Variants in CNDP2 observed in about 807,000 individuals in gnomAD.
CNDP2 encodes cytosolic non-specific dipeptidase.
In CNDP2, 38 loss-of-function variants were observed where a neutral mutation model predicts 55.0. The ratio of observed to expected loss-of-function variants is 0.69; its 90% CI spans 0.53 to 0.90. CNDP2 has a LOEUF of 0.90. CNDP2 is among the 40% of genes least tolerant of loss of function. CNDP2 has a pLI of 0.00. For synonymous variants in CNDP2, 241 were observed against 260.2 expected (o/e 0.93, Z 0.71); for missense variants, 607 against 621.7 (o/e 0.98, Z 0.25).
At chr18:74,512,389 C>A in intron 6 of CNDP2, 59 bp from the exon 7 acceptor site, 1 of 1,445,156 alleles carries the variant, frequency 6.9e-7, no homozygotes, top group Non-Finnish European at 9.5e-7. Flanking sequence ...TTTACTGTCA[C>A]ATGATAAAAA....
intron 4 of CNDP2, among the ~76,000 whole-genome samples, chr18:74,506,286 C>T (rs540024430): frequency 6.6e-6 from 1 of 152,148 alleles, no homozygotes; most frequent in Non-Finnish European, 1.5e-5. Context: ...GGGCGCCCAT[C>T]ACCACGCCTG....
intron 1 of CNDP2, among the ~76,000 whole-genome samples, chr18:74,498,445 G>A: frequency 6.6e-6 from 1 of 152,146 alleles, no homozygotes; most frequent in African/African-American, 2.4e-5. Context: ...TGATGGAAAT[G>A]TTATGTGGCA....
At chr18:74,512,355 G>A in intron 6 of CNDP2, 93 bp from the exon 7 acceptor site, 1 of 1,146,188 alleles carries the variant, frequency 8.7e-7, no homozygotes, top group Non-Finnish European at 1.2e-6. Context: ...AAATTGTCAG[G>A]CCTTGTAAAT....
chr18:74,498,172 T>TC (rs1404311144), intron 1 of CNDP2: 1 of 152,168 alleles, frequency 6.6e-6, no homozygotes, highest in East Asian at 1.9e-4. Context: ...GGGGATACAT[T>TC]CCAAGAAAAT....
Position 74,510,965 on chromosome 18 carries a change from G to A in CNDP2, c.609G>A (p.Lys203=), listed in dbSNP as rs771336985. 75 of 1,614,080 alleles carry A rather than the reference G, an allele frequency of 4.6e-5. No individual in the cohort carries two copies. The highest frequency in any genetic ancestry group is 6.4e-5 in the Non-Finnish European group (75 of 1,180,044). Residue 203 remains lysine, a synonymous_variant, in exon 6 of 12, where the codon AAG becomes AAA. Coordinates refer to ENST00000324262, the MANE Select transcript of CNDP2 (RefSeq NM_018235.3). ...ISDNYWLGKK[K]PCITYGLRGI... ...ACAATTACTGGCTGGGAAAGAAGAA[G>A]CCCTGCATCACCTACGGCCTCAGGG...
rs370496266 is a variant in CNDP2, at chr18:74,497,301, G to A, written c.-93+870G>A. On this transcript the variant is annotated intron_variant, in intron 1 of 11. Transcript: ENST00000324262. ...GATCAAGTTCTAGCTTGGGCAGATT[G>A]GAGATTCTTTTATTGGTTCTTAATC... Among the ~76,000 whole-genome samples, 139 of 152,286 alleles carry A rather than the reference G, an allele frequency of 9.1e-4. 4 individuals carry two copies. The South Asian group carries it at 0.028, about 31-fold the overall frequency.
chr18:74,506,582 C>G (rs1238786965), intron 4 of CNDP2, among the ~76,000 whole-genome samples: 2 of 152,202 alleles, frequency 1.3e-5, no homozygotes, highest in Non-Finnish European at 2.9e-5. Flanking sequence ...TGCTTTTTCT[C>G]AGAATGCACA....
chr18:74,509,953 C>T (rs1327677823), intron 5 of CNDP2, among the ~76,000 whole-genome samples: 4 of 152,208 alleles, frequency 2.6e-5, no homozygotes, highest in African/African-American at 7.2e-5. Context: ...GGAGGTGACA[C>T]CCAGAACCAC....
chr18:74,519,213 A>T, intron 11 of CNDP2, 117 bp downstream of exon 11: 1 of 1,305,738 alleles, frequency 7.7e-7, no homozygotes, highest in South Asian at 1.5e-5. Flanking sequence ...TGGCCCCGTG[A>T]CCTGCCCTCC....
chr18:74,509,719 A>G (rs1979234684), intron 5 of CNDP2: 1 of 139,436 alleles, frequency 7.2e-6, no homozygotes, highest in South Asian at 2.4e-4. Flanking sequence ...AGAGAGAAAA[A>G]TACTTGCCTA....
At chr18:74,513,845 A>C in intron 8 of CNDP2, 126 bp downstream of exon 8, 1 of 955,452 alleles carries the variant, frequency 1.0e-6, no homozygotes, top group Non-Finnish European at 1.5e-6. Context: ...TCCGATGCAC[A>C]TGAGTCACTC....
At chr18:74,506,078 C>A in intron 4 of CNDP2, 67 bp downstream of exon 4, 2 of 1,427,442 alleles carry the variant, frequency 1.4e-6, no homozygotes, top group Non-Finnish European at 9.3e-7. Context: ...ATTGCTAGTC[C>A]GTTTTTCTGT....
In CNDP2 at chr18:74,505,960, G is replaced by T. The variant is rs1267326723; in HGVS notation, c.316G>T (p.Ala106Ser). Residue 106 changes from alanine (A) to serine (S), a missense_variant, in exon 4 of 12, where the codon GCC becomes TCC. By Grantham distance (99) the Ala-to-Ser change is moderately conservative (BLOSUM62 1). Transcript: ENST00000324262. ...IYGHLDVQPAALEDGWDSEPF... is the reference protein window; with the variant it reads ...IYGHLDVQPASLEDGWDSEPF... ...CGGGCACCTGGATGTGCAGCCTGCA[G>T]CCCTGGAGGACGGCTGGGACAGCGA... 6.2e-7 allele frequency: 1 copy of T among 1,610,546 alleles called. No homozygotes were observed. The highest frequency in any genetic ancestry group is 8.5e-7 in the Non-Finnish European group (1 of 1,179,046).
chr18:74,509,128 T>C, intron 5 of CNDP2, 200 bp downstream of exon 5: 3 of 555,210 alleles, frequency 5.4e-6, no homozygotes, highest in Non-Finnish European at 9.7e-6. Flanking sequence ...CAAAGTGTAA[T>C]TGTTTTACAG....
intron 9 of CNDP2, 125 bp downstream of exon 9, chr18:74,516,517 C>A: frequency 4.4e-6 from 4 of 913,878 alleles, no homozygotes; most frequent in Non-Finnish European, 6.4e-6. Context: ...TGGCTCTGGC[C>A]AAGTCAGTAA....
Position 74,519,060 on chromosome 18 carries a change from A to G in CNDP2, c.1322A>G (p.Asp441Gly), listed in dbSNP as rs1468216171. 2 of 1,612,544 alleles carry G rather than the reference A, an allele frequency of 1.2e-6. No individual in the cohort carries two copies. Among genetic ancestry groups the G allele is most frequent in the Admixed American group, 3.3e-5 (2 of 59,978 alleles). ...ATGCTGCTGCCTGTGGGGTCAGCGGATGACGGAGCCCACTCCCAGAATGAA... is the reference window on the plus strand; with the variant it reads ...ATGCTGCTGCCTGTGGGGTCAGCGGGTGACGGAGCCCACTCCCAGAATGAA... The part of the protein sequence containing the change: ...NVMLLPVGSA[D>G]DGAHSQNEKL... Residue 441 changes from aspartate to glycine, a missense_variant, in exon 11 of 12, where the codon GAT (aspartate) becomes GGT (glycine). Transcript: ENST00000324262.
intron 10 of CNDP2, 88 bp downstream of exon 10, chr18:74,518,728 G>A: frequency 6.4e-7 from 1 of 1,564,066 alleles, no homozygotes. Flanking sequence ...GTGTAGCTAT[G>A]TCGGGGGCGC....
rs531994433 is a variant in CNDP2 at position 74,516,289 on chromosome 18, C to A, written c.965C>A (p.Ala322Asp). The part of the protein sequence containing the change: ...PSLSLHGIEG[A>D]FSGSGAKTVI... ...CTGTCCCTCCATGGCATCGAAGGCG[C>A]CTTCTCTGGGTCTGGGGCCAAGACC... Residue 322 changes from alanine (A) to aspartate (D), a missense_variant, in exon 9 of 12, where the codon GCC becomes GAC. Transcript: ENST00000324262. The A allele has an allele frequency of 2.5e-6, 4 of 1,614,160 alleles. No individual in the cohort carries two copies. Among genetic ancestry groups the A allele is most frequent in the South Asian group, 2.2e-5 (2 of 91,084 alleles).
chr18:74,505,666 CAAGAAAGT>C (rs1458216087), intron 3 of CNDP2, among the ~76,000 whole-genome samples, 175 bp from the exon 4 acceptor site: 2 of 151,688 alleles, frequency 1.3e-5, no homozygotes, highest in East Asian at 1.9e-4. Flanking sequence ...CTCTGGAGTA[CAAGAAAGT>C]AAGAAAGTAA....
Sources: allele counts gnomAD v4.1 joint callset (sites outside exome capture counted in the v4.1 genomes callset), GRCh38; gene constraint gnomAD v4.1.1; transcripts MANE v1.5; gene names NCBI Gene and HGNC (gene_info 2026-07-23, HGNC 2026-07-21).